HLTF: variants seen among roughly 807,000 people sequenced by gnomAD.
The protein encoded by HLTF is DNA-dependent ATPase/E3 ubiquitin-protein ligase HLTF.
Under a neutral mutation model 129.4 loss-of-function variants are expected in HLTF, and 127 were observed. The observed-to-expected ratio is 0.98, with a 90% CI of 0.85 to 1.14. The LOEUF is 1.14. Among genes scored for constraint, HLTF ranks in the 50% most tolerant of loss-of-function variants. The probability of loss-of-function intolerance (pLI) is 0.00; values close to 1 mark genes in which losing one functional copy is unlikely to be tolerated. For missense variants in HLTF, 1,139 were observed against 1,187.1 expected, an observed-to-expected ratio of 0.96 and a Z score of 0.60; for synonymous variants, 332 against 388.8, an observed-to-expected ratio of 0.85 and a Z score of 1.72.
chr3:149,074,227 G>T lies in HLTF; in HGVS notation c.517C>A (p.Pro173Thr). ...QLKKHGFKLG[P>T]APKTLGFNLE... The stretch of plus-strand genomic sequence containing the variant: ...ACCCTAAACTTACTTTTTGGTGCAG[G>T]ACCCAATTTAAATCCATGTTTCTTC... Residue 173 changes from proline to threonine, a missense_variant, in exon 4 of 25, where the codon CCT becomes ACT. Pro to Thr is a conservative substitution (Grantham distance 38, BLOSUM62 -1). Coordinates refer to ENST00000310053, the MANE Select transcript of HLTF (RefSeq NM_003071.4). The T allele has an allele frequency of 6.2e-7, 1 of 1,612,238 alleles. No individual in the cohort carries two copies. The highest frequency in any genetic ancestry group is 8.5e-7 in the Non-Finnish European group (1 of 1,179,324).
intron 10 of HLTF, among the ~76,000 whole-genome samples, chr3:149,061,406 A>G (rs1355653208): frequency 1.4e-5 from 2 of 143,700 alleles, no homozygotes; most frequent in East Asian, 4.1e-4. Context: ...GCGACACTCC[A>G]TCTCAAAAAA....
intron 24 of HLTF, among the ~76,000 whole-genome samples, chr3:149,033,370 TA>T (rs11306648): frequency 0.3 from 45,518 of 151,944 alleles, 6,774 homozygotes; most frequent in East Asian, 0.32. Context: ...ATAAATTCAA[TA>T]AATCTCAAGA....
intron 23 of HLTF, among the ~76,000 whole-genome samples, chr3:149,037,936 A>C (rs1205206639): frequency 6.6e-6 from 1 of 152,202 alleles, no homozygotes; most frequent in African/African-American, 2.4e-5. Flanking sequence ...TAAAGTTCAA[A>C]GTGAATTTTA....
chr3:149,053,279 A>C (rs1717152277), intron 14 of HLTF, among the ~76,000 whole-genome samples: 1 of 152,158 alleles, frequency 6.6e-6, no homozygotes. Context: ...TGGAGGTGGA[A>C]GGTGTATGGC....
rs1715075745 is a variant in HLTF, at chr3:149,031,786, A to G, written c.*434T>C. ...ATTAATTCTTGTATAGTCTGTATAT[A>G]TTGTTTACAAGGACTACAAACACTG... On this transcript the variant is annotated 3_prime_UTR_variant, in exon 25 of 25. Transcript: ENST00000310053. 6.6e-6 allele frequency: 1 copy of G among 152,520 alleles called. No individual in the cohort carries two copies. Among genetic ancestry groups the G allele is most frequent in the South Asian group, 2.1e-4 (1 of 4,844 alleles). The allele number at this position is 152,520 out of a possible 1,614,324, so 9.4% of individuals were successfully genotyped here.
chr3:149,055,928 C>T (rs1254654225), intron 13 of HLTF, among the ~76,000 whole-genome samples: 1 of 152,240 alleles, frequency 6.6e-6, no homozygotes, highest in Non-Finnish European at 1.5e-5. Flanking sequence ...TCTCTCTCTC[C>T]AATCTTTCAC....
At chr3:149,037,329 C>T (rs920050073) in intron 23 of HLTF, among the ~76,000 whole-genome samples, 5 of 151,846 alleles carry the variant, frequency 3.3e-5, no homozygotes, top group African/African-American at 9.7e-5. Flanking sequence ...ATTAGCCACG[C>T]GTGGTGGCAG....
intron 19 of HLTF, 72 bp downstream of exon 19, chr3:149,042,093 TA>T (rs906905376): frequency 4.1e-5 from 56 of 1,377,496 alleles, no homozygotes; most frequent in East Asian, 2.1e-4. Flanking sequence ...GTATGCCACA[TA>T]AAAAAAATTT....
chr3:149,066,891 T>C (rs1718424062), intron 8 of HLTF, among the ~76,000 whole-genome samples: 2 of 152,102 alleles, frequency 1.3e-5, no homozygotes, highest in African/African-American at 4.8e-5. Flanking sequence ...AAGTAGGAAG[T>C]AAAACTAAGT....
Position 149,075,975 on chromosome 3 carries a change from T to C in HLTF, c.301A>G (p.Asn101Asp). Residue 101 changes from asparagine to aspartate, a missense_variant, in exon 3 of 25, where the codon AAC becomes GAC. Physicochemically the swap from Asn to Asp is conservative, Grantham distance 23 (BLOSUM62 1). Coordinates refer to ENST00000310053, the MANE Select transcript of HLTF (RefSeq NM_003071.4). ...NPYDKNAIKV[N>D]NVNGNQVGHL... Reference sequence around the variant, plus strand: ...CCAACTTGATTTCCATTCACATTGTTTACTTTAATTGCATTCTTATCATAA... The same window carrying C: ...CCAACTTGATTTCCATTCACATTGTCTACTTTAATTGCATTCTTATCATAA... 6.3e-7 allele frequency: 1 copy of C among 1,575,042 alleles called. No homozygotes were observed. Among genetic ancestry groups the C allele is most frequent in the Non-Finnish European group, 8.7e-7 (1 of 1,145,458 alleles).
chr3:149,041,088 A>G (rs1716096051), intron 20 of HLTF, among the ~76,000 whole-genome samples: 1 of 152,154 alleles, frequency 6.6e-6, no homozygotes, highest in Non-Finnish European at 1.5e-5. Flanking sequence ...CCACCACCAA[A>G]TTCTGAAGAT....
At chr3:149,032,740 A>C (rs1715208910) in intron 24 of HLTF, among the ~76,000 whole-genome samples, 1 of 152,162 alleles carries the variant, frequency 6.6e-6, no homozygotes, top group Admixed American at 6.5e-5. Flanking sequence ...AGGCGGGCAG[A>C]TCATGAGGTC....
intron 8 of HLTF, among the ~76,000 whole-genome samples, chr3:149,066,274 A>G (rs1034598079): frequency 6.6e-6 from 1 of 151,998 alleles, no homozygotes; most frequent in Non-Finnish European, 1.5e-5. Flanking sequence ...TTGAACTCCT[A>G]ACCTCAGGTG....
At chr3:149,076,079 T>TCTG in intron 2 of HLTF, 32 bp from the exon 3 acceptor site, 1 of 826,120 alleles carries the variant, frequency 1.2e-6, no homozygotes. Context: ...TAATATTACA[T>TCTG]TATAAATAAT....
intron 24 of HLTF, among the ~76,000 whole-genome samples, chr3:149,033,606 T>A (rs1232710036): frequency 6.6e-6 from 1 of 151,910 alleles, no homozygotes; most frequent in Non-Finnish European, 1.5e-5. Context: ...GTAATATATA[T>A]AAATTAGTTT....
intron 2 of HLTF, among the ~76,000 whole-genome samples, chr3:149,080,118 C>T (rs75617527): frequency 0.02 from 3,011 of 152,008 alleles, 116 homozygotes; most frequent in African/African-American, 0.068. Context: ...ATTTCATTTA[C>T]GTGAAATGTC....
chr3:149,085,358 G>C (rs1050351655), intron 1 of HLTF, among the ~76,000 whole-genome samples: 2 of 152,028 alleles, frequency 1.3e-5, no homozygotes, highest in Non-Finnish European at 2.9e-5. Context: ...GCGTGGTGGC[G>C]CCCATATGTA....
intron 2 of HLTF, among the ~76,000 whole-genome samples, chr3:149,078,559 A>T (rs1426258294): frequency 6.6e-6 from 1 of 151,914 alleles, no homozygotes; most frequent in Non-Finnish European, 1.5e-5. Flanking sequence ...CTAAAAAATT[A>T]AAAAGTTCAA....
Position 149,042,187 on chromosome 3 carries a change from C to A in HLTF, c.2176G>T (p.Val726Leu), listed in dbSNP as rs780582388. 3 of 1,613,318 alleles carry A rather than the reference C, an allele frequency of 1.9e-6. No homozygotes were observed. The highest frequency in any genetic ancestry group is 2.5e-6 in the Non-Finnish European group (3 of 1,179,354). Residue 726 changes from valine (V) to leucine (L), a missense_variant, in exon 19 of 25, where the codon GTG becomes TTG. Val to Leu is a conservative substitution (Grantham distance 32). Coordinates refer to ENST00000310053, the MANE Select transcript of HLTF (RefSeq NM_003071.4). ...CTACCTGAGGGGCCATTGGAAGACA[C>A]TGCATTTGTAAGAAGGTAAGTATGG... ...CCHTYLLTNA[V>L]SSNGPSGNDT...
Sources: gnomAD v4.1 joint callset for allele counts (sites outside exome capture counted in the v4.1 genomes callset) on GRCh38, gnomAD v4.1.1 for gene constraint, MANE v1.5 for transcripts, NCBI Gene and HGNC (gene_info 2026-07-23, HGNC 2026-07-21) for gene names.